NEBL: variants seen among roughly 807,000 people sequenced by gnomAD.
NEBL encodes nebulette, also known as LIM and SH3 protein 2.
Under a neutral mutation model 140.2 loss-of-function variants are expected in NEBL, and 122 were observed. That is an observed-to-expected ratio of 0.87 (90% confidence interval 0.75 to 1.01). NEBL has a LOEUF of 1.01. Ranked by LOEUF, NEBL falls within the 50% of genes least tolerant of loss-of-function variation. The pLI, the probability that NEBL is intolerant of heterozygous loss-of-function variation, is 0.00. For synonymous variants in NEBL, 436 were observed against 398.9 expected, an observed-to-expected ratio of 1.09 and a Z score of -1.11; for missense variants, 1,365 against 1,231.3, an observed-to-expected ratio of 1.11 and a Z score of -1.62.
intron 2 of NEBL, among the ~76,000 whole-genome samples, chr10:21,162,328 T>C (rs1840590549): frequency 6.6e-6 from 1 of 150,416 alleles, no homozygotes; most frequent in African/African-American, 2.5e-5. Flanking sequence ...GCCCTGTGAA[T>C]TGTTCCAGCT....
chr10:20,984,850 T>A (rs962664279), intron 3 of NEBL, among the ~76,000 whole-genome samples: 1 of 152,046 alleles, frequency 6.6e-6, no homozygotes, highest in Non-Finnish European at 1.5e-5. Context: ...TCCCCACAGC[T>A]CCCATTATCG....
intron 2 of NEBL, among the ~76,000 whole-genome samples, chr10:21,137,632 C>T (rs1839416164): frequency 6.6e-6 from 1 of 152,106 alleles, no homozygotes; most frequent in South Asian, 2.1e-4. Flanking sequence ...ACAACCTAAG[C>T]TAAGTGAAAC....
intron 1 of NEBL, among the ~76,000 whole-genome samples, chr10:21,264,234 G>T (rs966636115): frequency 6.6e-6 from 1 of 152,244 alleles, no homozygotes; most frequent in African/African-American, 2.4e-5. Context: ...TGAAGCAGAA[G>T]TGTAGGGAGC....
Position 20,808,748 on chromosome 10 carries a change from G to T in NEBL, c.2612-89C>A. The T allele has an allele frequency of 3.6e-6, 5 of 1,371,622 alleles. No homozygotes were observed. The South Asian group carries it at 4.7e-5, about 13-fold the overall frequency. The allele number at this position is 1,371,622 out of a possible 1,614,324, so 85.0% of individuals were successfully genotyped here. A position where few individuals can be genotyped will look rare whatever the true frequency, so the allele number is the denominator to read the frequency against. On this transcript the variant is annotated intron_variant, in intron 25 of 27. Transcript: ENST00000377122. ...AATTACTTAAAAGCTTAACAGAGAA[G>T]AAAAACCATCTCTTAGTAAAGAATA...
intron 3 of NEBL, among the ~76,000 whole-genome samples, chr10:21,011,197 T>TA (rs2131740346): frequency 6.6e-6 from 1 of 152,304 alleles, no homozygotes; most frequent in Non-Finnish European, 1.5e-5. Flanking sequence ...AAGTCACACT[T>TA]AGTGGCAGGG....
At chr10:20,990,179 T>C (rs1392123840) in intron 3 of NEBL, among the ~76,000 whole-genome samples, 1 of 152,254 alleles carries the variant, frequency 6.6e-6, no homozygotes, top group Non-Finnish European at 1.5e-5. Context: ...TTTAATGGAA[T>C]TAAAAACATT....
At chr10:20,871,094 T>C (rs1170614208) in intron 5 of NEBL, among the ~76,000 whole-genome samples, 1 of 152,232 alleles carries the variant, frequency 6.6e-6, no homozygotes, top group Non-Finnish European at 1.5e-5. Context: ...TGTACAGTCA[T>C]GGACATTCTT....
intron 2 of NEBL, among the ~76,000 whole-genome samples, chr10:21,080,465 AC>A (rs1201893797): frequency 2.6e-5 from 4 of 152,258 alleles, no homozygotes; most frequent in Non-Finnish European, 5.9e-5. Context: ...TGAATCAAAG[AC>A]AAGATTCATT....
chr10:20,787,379 A>G lies in NEBL; in HGVS notation c.2762-71T>C. On this transcript the variant is annotated intron_variant, in intron 26 of 27. Coordinates refer to ENST00000377122, the MANE Select transcript of NEBL (RefSeq NM_006393.3). ...CTCGAAATACCCATCCCAAACCCTC[A>G]GAGTGATGTTATGCTCTGCTAGAAG... The G allele has an allele frequency of 1.0e-5, 12 of 1,182,994 alleles. 1 individual carries two copies. The South Asian group carries it at 1.6e-4, about 15-fold the overall frequency. 73.3% of individuals were successfully genotyped at this position (1,182,994 alleles called of 1,614,324 possible).
At chr10:20,838,487 C>T (rs1169868588) in intron 13 of NEBL, among the ~76,000 whole-genome samples, 1 of 152,156 alleles carries the variant, frequency 6.6e-6, no homozygotes, top group African/African-American at 2.4e-5. Context: ...TTCTGAAGAT[C>T]AAATCCTTGT....
At chr10:21,006,656 A>C (rs555443188) in intron 3 of NEBL, among the ~76,000 whole-genome samples, 1 of 152,286 alleles carries the variant, frequency 6.6e-6, no homozygotes, top group African/African-American at 2.4e-5. Flanking sequence ...TTTCCAAAGG[A>C]GGAGTTGCAT....
chr10:20,902,695 G>C (rs1030582214), intron 4 of NEBL, among the ~76,000 whole-genome samples: 14 of 152,142 alleles, frequency 9.2e-5, no homozygotes, highest in African/African-American at 2.9e-4. Flanking sequence ...TACAGCTTGA[G>C]ACATTAGTTC....
intron 3 of NEBL, among the ~76,000 whole-genome samples, chr10:21,192,331 A>G (rs377660194): frequency 2.6e-5 from 4 of 151,400 alleles, no homozygotes; most frequent in East Asian, 4.0e-4. Context: ...AGCTGGGACT[A>G]CAGGCACCCA....
At chr10:20,940,340 G>A (rs1834783524) in intron 4 of NEBL, among the ~76,000 whole-genome samples, 2 of 149,544 alleles carry the variant, frequency 1.3e-5, no homozygotes, top group Admixed American at 6.7e-5. Flanking sequence ...TGACTACTGG[G>A]TACATAACGA....
chr10:21,113,290 T>TAAAA (rs56366013), intron 2 of NEBL: 54 of 124,076 alleles, frequency 4.4e-4, no homozygotes, highest in African/African-American at 2.5e-3. Flanking sequence ...ATGAGAATCC[T>TAAAA]AAAAAAAAAA....
At chr10:21,106,928 G>A (rs1837745408) in intron 2 of NEBL, among the ~76,000 whole-genome samples, 1 of 152,052 alleles carries the variant, frequency 6.6e-6, no homozygotes, top group East Asian at 1.9e-4. Flanking sequence ...ATTCCTCGGT[G>A]TTTTATTCTC....
At chr10:20,950,961 A>C (rs1002124077) in intron 4 of NEBL, among the ~76,000 whole-genome samples, 12 of 152,308 alleles carry the variant, frequency 7.9e-5, no homozygotes, top group African/African-American at 2.6e-4. Flanking sequence ...TACAAAGCTT[A>C]ATTCAAATGG....
intron 11 of NEBL, among the ~76,000 whole-genome samples, chr10:20,847,494 T>A (rs1354203704): frequency 1.3e-5 from 2 of 152,182 alleles, no homozygotes; most frequent in Non-Finnish European, 2.9e-5. Flanking sequence ...AATTATAAGT[T>A]TCTGGATTTA....
rs72278772 is a variant in NEBL, at chr10:21,094,499, C to CAA, written c.165-74300_165-74299dup. 6.6e-3 allele frequency among the ~76,000 whole-genome samples: 415 copies of CAA among 63,210 alleles called. 6 individuals carry two copies. Among genetic ancestry groups the CAA allele is most frequent in the Non-Finnish European group, 9.8e-3 (337 of 34,386 alleles). The allele number at this position is 63,210 out of a possible 152,430, so 41.5% of individuals were successfully genotyped here. A position where few individuals can be genotyped will look rare whatever the true frequency, so the allele number is the denominator to read the frequency against. ...CCTGGGAGACAGCGAGACTCCGTCTCAAAAAAAAAAAAAAAAAAAAAAAAA... is the reference window on the plus strand; with the variant it reads ...CCTGGGAGACAGCGAGACTCCGTCTCAAAAAAAAAAAAAAAAAAAAAAAAAAA... On this transcript the variant is annotated intron_variant, in intron 2 of 6. Coordinates refer to the NEBL transcript ENST00000417816.
Sources: gnomAD v4.1 joint callset for allele counts (sites outside exome capture counted in the v4.1 genomes callset) on GRCh38, gnomAD v4.1.1 for gene constraint, MANE v1.5 for transcripts, NCBI Gene and HGNC (gene_info 2026-07-23, HGNC 2026-07-21) for gene names.